Variants in ORC5 observed in about 807,000 individuals in gnomAD.
ORC5 encodes protein phosphatase 1, regulatory subunit 117.
In ORC5, 39 loss-of-function variants were observed where a neutral mutation model predicts 58.8. The ratio of observed to expected loss-of-function variants is 0.66; its 90% CI spans 0.51 to 0.87. ORC5 has a LOEUF of 0.87. ORC5 is among the 40% of genes least tolerant of loss of function. The pLI is 0.00. For missense variants in ORC5, 493 were observed against 506.3 expected, an observed-to-expected ratio of 0.97 and a Z score of 0.25; for synonymous variants, 218 against 177.6, an observed-to-expected ratio of 1.23 and a Z score of -1.81.
intron 5 of ORC5, among the ~76,000 whole-genome samples, chr7:104,189,896 G>C (rs1799635564): frequency 6.6e-6 from 1 of 152,164 alleles, no homozygotes; most frequent in Non-Finnish European, 1.5e-5. Flanking sequence ...CTGGAGTACA[G>C]GTAGAAACCT....
At chr7:104,160,838 G>C (rs1219235945) in intron 12 of ORC5, among the ~76,000 whole-genome samples, 1 of 152,054 alleles carries the variant, frequency 6.6e-6, no homozygotes, top group East Asian at 1.9e-4. Flanking sequence ...TATTGAAAAA[G>C]AGCCAAATTA....
intron 5 of ORC5, among the ~76,000 whole-genome samples, chr7:104,191,454 G>T (rs1169732933): frequency 2.0e-5 from 3 of 152,066 alleles, no homozygotes; most frequent in Admixed American, 6.6e-5. Context: ...CTCCAGCTCA[G>T]ACTGCACTTC....
chr7:104,168,177 C>G (rs554808238), intron 9 of ORC5: 1 of 691,956 alleles, frequency 1.4e-6, no homozygotes, highest in African/African-American at 1.9e-5. Context: ...ATAAAACTGT[C>G]ACATAATTAG....
chr7:104,155,656 T>A (rs1798914187), intron 12 of ORC5, among the ~76,000 whole-genome samples: 1 of 151,440 alleles, frequency 6.6e-6, no homozygotes, highest in Non-Finnish European at 1.5e-5. Context: ...TACCAATGAT[T>A]TTAGAAATAA....
At chr7:104,151,522 G>C (rs1798846903) in intron 12 of ORC5, among the ~76,000 whole-genome samples, 1 of 152,154 alleles carries the variant, frequency 6.6e-6, no homozygotes, top group Non-Finnish European at 1.5e-5. Flanking sequence ...TATTATCTTT[G>C]TTTTTCTAGC....
At position 104,136,752 on chromosome 7, in the gene ORC5, A is replaced by G. The variant is rs748330291; in HGVS notation, c.1262+29T>C. The G allele has an allele frequency of 7.4e-7, 1 of 1,346,706 alleles. No homozygotes were observed. The highest frequency in any genetic ancestry group is 1.2e-5 in the South Asian group (1 of 84,648). 83.4% of individuals were successfully genotyped at this position (1,346,706 alleles called of 1,614,324 possible). ...GAAAACACTAATTTTTATATTTAGT[A>G]TATCATTACATAATTCAAGACATTT... On this transcript the variant is annotated intron_variant, in intron 13 of 13. Coordinates refer to ENST00000297431, the MANE Select transcript of ORC5 (RefSeq NM_002553.4). The surrounding 1 kb of genome is among the most constrained non-coding windows in gnomAD (Gnocchi z 4.2).
chr7:104,177,599 C>T (rs1488272614), intron 8 of ORC5, among the ~76,000 whole-genome samples: 3 of 152,094 alleles, frequency 2.0e-5, no homozygotes, highest in Non-Finnish European at 4.4e-5. Flanking sequence ...CTAGCATACA[C>T]GTGCAGAACG....
chr7:104,160,281 G>A (rs1799000739), intron 12 of ORC5, among the ~76,000 whole-genome samples: 1 of 152,106 alleles, frequency 6.6e-6, no homozygotes, highest in African/African-American at 2.4e-5. Context: ...CTATTCTGGG[G>A]CCAGATTTAT....
rs1798590572 is a variant in ORC5 at position 104,136,592 on chromosome 7, A to G, written c.1262+189T>C. Among the ~76,000 whole-genome samples, 1 of 152,166 alleles carries G rather than the reference A, an allele frequency of 6.6e-6. No individual in the cohort carries two copies. Among genetic ancestry groups the G allele is most frequent in the South Asian group, 2.1e-4 (1 of 4,826 alleles). On this transcript the variant is annotated intron_variant, in intron 13 of 13. Coordinates refer to ENST00000297431, the MANE Select transcript of ORC5 (RefSeq NM_002553.4). The surrounding 1 kb of genome is among the most constrained non-coding windows in gnomAD (Gnocchi z 4.2). ...AATCTTGATTTTTGTCCTCTAACAT[A>G]TTAGCTATTTCTCCCAGTTTTACAT...
At chr7:104,157,418 T>C (rs548811169) in intron 12 of ORC5, among the ~76,000 whole-genome samples, 3 of 152,174 alleles carry the variant, frequency 2.0e-5, no homozygotes, top group Admixed American at 6.5e-5. Context: ...ACTTTAAATA[T>C]ACAAATTTAT....
intron 9 of ORC5, 98 bp downstream of exon 9, chr7:104,168,375 C>G: frequency 6.6e-7 from 1 of 1,521,412 alleles, no homozygotes; most frequent in Non-Finnish European, 8.9e-7. Context: ...TTTTATAACA[C>G]TATTTCCTGA....
At chr7:104,174,321 T>A (rs1044085695) in intron 8 of ORC5, among the ~76,000 whole-genome samples, 12 of 152,164 alleles carry the variant, frequency 7.9e-5, no homozygotes, top group Non-Finnish European at 1.6e-4. Flanking sequence ...GTCCCCACCA[T>A]CTAAAACACT....
intron 5 of ORC5, among the ~76,000 whole-genome samples, chr7:104,193,594 C>A (rs1020222352): frequency 6.6e-6 from 1 of 151,922 alleles, no homozygotes; most frequent in South Asian, 2.1e-4. Flanking sequence ...CAAGTTATTA[C>A]GACAAGGTAA....
Position 104,129,244 on chromosome 7 carries a change from A to G in ORC5, c.1263-2351T>C, listed in dbSNP as rs940591833. ...ATTAGAATAGTTTGTACAATAAATA[A>G]ATAACAGAACAGACTTAATAGAATG... is the stretch of plus-strand genomic sequence containing the variant. On this transcript the variant is annotated intron_variant, in intron 13 of 13. Coordinates refer to ENST00000297431, the MANE Select transcript of ORC5 (RefSeq NM_002553.4). The surrounding 1 kb of genome is among the most constrained non-coding windows in gnomAD (Gnocchi z 4.9). 2.0e-5 allele frequency among the ~76,000 whole-genome samples: 3 copies of G among 152,194 alleles called. No individual in the cohort carries two copies. The highest frequency in any genetic ancestry group is 2.0e-4 in the Admixed American group (3 of 15,282).
At chr7:104,130,705 T>C (rs1430457185) in intron 13 of ORC5, among the ~76,000 whole-genome samples, 1 of 152,238 alleles carries the variant, frequency 6.6e-6, no homozygotes, top group African/African-American at 2.4e-5. Flanking sequence ...AGAAATGCTC[T>C]ACTTCTAAAG....
rs759142017 is a variant in ORC5, at chr7:104,183,938, A to T, written c.824+5T>A. On this transcript the variant is annotated splice_donor_5th_base_variant and intron_variant, in intron 8 of 13. Transcript: ENST00000297431. ...AACTAGTATGCATACTAAATAGAAA[A>T]TTACCTTGATATTTCCCTGAGATAA... 3.1e-6 allele frequency: 5 copies of T among 1,587,868 alleles called. No individual in the cohort carries two copies. Among genetic ancestry groups the T allele is most frequent in the Non-Finnish European group, 4.3e-6 (5 of 1,159,564 alleles).
At chr7:104,158,887 A>G (rs181772977) in intron 12 of ORC5, among the ~76,000 whole-genome samples, 1 of 151,948 alleles carries the variant, frequency 6.6e-6, no homozygotes, top group African/African-American at 2.4e-5. Context: ...GTGGGACTGT[A>G]AACTAGTTCA....
intron 8 of ORC5, among the ~76,000 whole-genome samples, chr7:104,169,517 A>C (rs1437931891): frequency 6.8e-6 from 1 of 147,440 alleles, no homozygotes; most frequent in Non-Finnish European, 1.5e-5. Context: ...TTTACTCATA[A>C]AAAAAAATAA....
chr7:104,179,446 T>C (rs1260431283), intron 8 of ORC5, among the ~76,000 whole-genome samples: 1 of 152,146 alleles, frequency 6.6e-6, no homozygotes, highest in Non-Finnish European at 1.5e-5. Flanking sequence ...AGGGAATTAT[T>C]TGTAAGTCTT....
Sources: allele counts gnomAD v4.1 joint callset (sites outside exome capture counted in the v4.1 genomes callset), GRCh38; gene constraint gnomAD v4.1.1; non-coding constraint Gnocchi (gnomAD v3.1); transcripts MANE v1.5; gene names NCBI Gene and HGNC (gene_info 2026-07-23, HGNC 2026-07-21).